Variants in MDGA1 observed in about 807,000 individuals in gnomAD.
The protein encoded by MDGA1 is MAM domain-containing glycosylphosphatidylinositol anchor protein 1.
In MDGA1, 54 loss-of-function variants were observed where a neutral mutation model predicts 101.5. The observed-to-expected ratio is 0.53, with a 90% CI of 0.43 to 0.67. The LOEUF is 0.67. MDGA1 is among the 30% of genes least tolerant of loss of function. MDGA1 has a pLI of 0.00. For missense variants in MDGA1, 1,083 were observed against 1,323.8 expected (o/e 0.82, Z 2.82); for synonymous variants, 533 against 558.3 (o/e 0.95, Z 0.64).
intron 1 of MDGA1, among the ~76,000 whole-genome samples, chr6:37,684,558 T>C (rs927101042): frequency 2.0e-5 from 3 of 152,204 alleles, no homozygotes; most frequent in Non-Finnish European, 2.9e-5. Context: ...AGAAAGTCCT[T>C]TGACATGGCT....
At chr6:37,657,889 G>A (rs371573118) in intron 3 of MDGA1, among the ~76,000 whole-genome samples, 38 of 152,206 alleles carry the variant, frequency 2.5e-4, no homozygotes, top group Middle Eastern at 3.4e-3. Context: ...GAAGGGCAGC[G>A]GACAATGGGG....
intron 7 of MDGA1, 131 bp from the exon 8 acceptor site, chr6:37,650,536 G>T: frequency 1.0e-6 from 1 of 973,250 alleles, no homozygotes; most frequent in Non-Finnish European, 1.4e-6. Context: ...CTTCCGACTG[G>T]TCCCCCAGTA....
intron 13 of MDGA1, 79 bp downstream of exon 13, chr6:37,644,418 A>T: frequency 7.3e-7 from 1 of 1,374,574 alleles, no homozygotes; most frequent in Non-Finnish European, 9.6e-7. Flanking sequence ...GTCTCCCTTC[A>T]TCCCCAGTCT....
chr6:37,631,593 T>G lies in MDGA1; in HGVS notation c.*5775A>C, dbSNP rs1763824516. ...CTGTCATTTGCCTGATATGATGTAG[T>G]CCATATCATGACATCCACACCCTTG... On this transcript the variant is annotated 3_prime_UTR_variant, in exon 17 of 17. Transcript: ENST00000434837. The G allele has an allele frequency of 6.6e-6, 1 of 152,212 alleles. No individual in the cohort carries two copies. Among genetic ancestry groups the G allele is most frequent in the Non-Finnish European group, 1.5e-5 (1 of 68,060 alleles). The allele number at this position is 152,212 out of a possible 1,614,324, so 9.4% of individuals were successfully genotyped here.
At chr6:37,644,187 A>G (rs1187174417) in intron 13 of MDGA1, among the ~76,000 whole-genome samples, 1 of 149,032 alleles carries the variant, frequency 6.7e-6, no homozygotes, top group Non-Finnish European at 1.5e-5. Context: ...CCTGCCTCAC[A>G]GCACAGGAGT....
rs546435450 is a variant in MDGA1 at position 37,689,288 on chromosome 6, CCTT to C, written c.67+7454_67+7456del. 3.9e-5 allele frequency among the ~76,000 whole-genome samples: 6 copies of C among 152,342 alleles called. No homozygotes were observed. In the East Asian group the frequency reaches 1.2e-3, roughly 29 times the overall value. ...TCCACCTCATGGTTTCAACCCACATCCTTCTGCAGACATAAATCCAGATGTGCA... is the reference window on the plus strand; with the variant it reads ...TCCACCTCATGGTTTCAACCCACATCCTGCAGACATAAATCCAGATGTGCA... On this transcript the variant is annotated intron_variant, in intron 1 of 16. Transcript: ENST00000434837.
intron 2 of MDGA1, among the ~76,000 whole-genome samples, chr6:37,658,832 G>C (rs1177771020): frequency 6.6e-6 from 1 of 152,006 alleles, no homozygotes; most frequent in Non-Finnish European, 1.5e-5. Context: ...TTAGCCGGGC[G>C]TTATGGCGCG....
chr6:37,673,668 G>C (rs886751867), intron 1 of MDGA1, among the ~76,000 whole-genome samples: 1 of 151,990 alleles, frequency 6.6e-6, no homozygotes, highest in African/African-American at 2.4e-5. Context: ...GAGCTGGCTG[G>C]AGCCTGTCCT....
intron 1 of MDGA1, among the ~76,000 whole-genome samples, chr6:37,678,607 C>T (rs1762029828): frequency 6.6e-6 from 1 of 152,144 alleles, no homozygotes; most frequent in Non-Finnish European, 1.5e-5. Context: ...CCCACTCCAG[C>T]CACATTGCCC....
intron 12 of MDGA1, 103 bp downstream of exon 12, chr6:37,645,813 ACAGGGGGAATTCATTTT>A: frequency 3.3e-6 from 4 of 1,199,102 alleles, no homozygotes; most frequent in Non-Finnish European, 4.9e-6. Context: ...CCATGGAAAC[ACAGGGGGAATTCATTTT>A]CTCTCTGACT....
rs1037732460 is a variant in MDGA1 at position 37,635,574 on chromosome 6, C to T, written c.*1794G>A. On this transcript the variant is annotated 3_prime_UTR_variant, in exon 17 of 17. Coordinates refer to ENST00000434837, the MANE Select transcript of MDGA1 (RefSeq NM_153487.4). ...CACCAGCTGTTGGTGATAATGATCA[C>T]ACAGGCCTGGCAGGGGGAGATGGGC... 34 of 398,584 alleles carry T rather than the reference C, an allele frequency of 8.5e-5. No individual in the cohort carries two copies. Among genetic ancestry groups the T allele is most frequent in the Non-Finnish European group, 1.3e-4 (29 of 226,116 alleles). 24.7% of individuals were successfully genotyped at this position (398,584 alleles called of 1,614,324 possible). A position where few individuals can be genotyped will look rare whatever the true frequency, so the allele number is the denominator to read the frequency against.
At chr6:37,648,942 G>A (rs1397168289) in intron 9 of MDGA1, 40 bp downstream of exon 9, 1 of 1,538,232 alleles carries the variant, frequency 6.5e-7, no homozygotes, top group East Asian at 2.5e-5. Context: ...CTGGCCCCTG[G>A]TGGGCGTGGT....
chr6:37,658,220 G>T (rs1343674801), intron 3 of MDGA1, 25 bp downstream of exon 3: 2 of 1,544,856 alleles, frequency 1.3e-6, no homozygotes, highest in East Asian at 2.3e-5. Context: ...GTCAGGGCCC[G>T]GGGAGAGAGG....
rs919174203 is a variant in MDGA1 at position 37,651,576 on chromosome 6, G to A, written c.1312+435C>T. Among the ~76,000 whole-genome samples, 5 of 150,476 alleles carry A rather than the reference G, an allele frequency of 3.3e-5. 1 individual carries two copies. The East Asian group carries it at 9.9e-4, about 30-fold the overall frequency. ...TCCATGCCCTAGACATCAGGCCTAT[G>A]AGCCAAATGGAGGAAACAGCCCTGG... On this transcript the variant is annotated intron_variant, in intron 7 of 16. Coordinates refer to ENST00000434837, the MANE Select transcript of MDGA1 (RefSeq NM_153487.4).
rs972387095 is a variant in MDGA1 at position 37,652,451 on chromosome 6, T to C, written c.983-111A>G. On this transcript the variant is annotated intron_variant, in intron 6 of 16. Transcript: ENST00000434837. This position sits in a 1 kb window ranked among gnomAD's most constrained non-coding sequence, Gnocchi z 4.3. ...CCCCTCTAGCTGGCCCTTCTGGGGA[T>C]AGGGGGCTACAACTCCCCCAGGTGA... is the stretch of plus-strand genomic sequence containing the variant. 2 of 731,860 alleles carry C rather than the reference T, an allele frequency of 2.7e-6. No homozygotes were observed. The highest frequency in any genetic ancestry group is 2.9e-5 in the Admixed American group (1 of 35,038). 45.3% of individuals were successfully genotyped at this position (731,860 alleles called of 1,614,324 possible). A position where few individuals can be genotyped will look rare whatever the true frequency, so the allele number is the denominator to read the frequency against.
chr6:37,696,735 G>C lies in MDGA1; in HGVS notation c.67+10C>G, dbSNP rs1216142913. 6.4e-7 allele frequency: 1 copy of C among 1,574,478 alleles called. No individual in the cohort carries two copies. The highest frequency in any genetic ancestry group is 1.8e-5 in the Admixed American group (1 of 54,926). Reference sequence around the variant, plus strand: ...GTTAAGCCAAGGTGGAGCGGGACGCGGGCTCTTACCGTAGACTCCTTGTCC... The same window carrying C: ...GTTAAGCCAAGGTGGAGCGGGACGCCGGCTCTTACCGTAGACTCCTTGTCC... On this transcript the variant is annotated intron_variant, in intron 1 of 16. Transcript: ENST00000434837. The surrounding 1 kb of genome is among the most constrained non-coding windows in gnomAD (Gnocchi z 5.6).
chr6:37,667,503 G>A (rs532708928), intron 1 of MDGA1, among the ~76,000 whole-genome samples: 1 of 152,278 alleles, frequency 6.6e-6, no homozygotes, highest in African/African-American at 2.4e-5. Flanking sequence ...TGGGAACTGG[G>A]CCCAAAACTG....
chr6:37,686,737 C>A (rs996281671), intron 1 of MDGA1, among the ~76,000 whole-genome samples: 20 of 152,156 alleles, frequency 1.3e-4, no homozygotes, highest in Non-Finnish European at 2.1e-4. Context: ...AGCATCAGGA[C>A]TTTTTAAACC....
rs1212947778 is a variant in MDGA1, at chr6:37,696,899, T to A, written c.-88A>T. 9.5e-7 allele frequency: 1 copy of A among 1,058,192 alleles called. No individual in the cohort carries two copies. The highest frequency in any genetic ancestry group is 1.6e-5 in the African/African-American group (1 of 63,320). The allele number at this position is 1,058,192 out of a possible 1,614,324, so 65.6% of individuals were successfully genotyped here. ...TCGCCGGGGCCCCGCGACGCCCCTA[T>A]GTCCCCCCCTTTCCCTGAGAGGTGA... On this transcript the variant is annotated 5_prime_UTR_variant, in exon 1 of 17. Transcript: ENST00000434837. This position sits in a 1 kb window ranked among gnomAD's most constrained non-coding sequence, Gnocchi z 5.6.
Sources: gnomAD v4.1 joint callset for allele counts (sites outside exome capture counted in the v4.1 genomes callset) on GRCh38, gnomAD v4.1.1 for gene constraint, Gnocchi (gnomAD v3.1) non-coding constraint, MANE v1.5 for transcripts, NCBI Gene and HGNC (gene_info 2026-07-23, HGNC 2026-07-21) for gene names.